PLXDC2: variants seen among roughly 807,000 people sequenced by gnomAD.
The protein encoded by PLXDC2 is plexin domain containing 2.
PLXDC2 carries 40 observed loss-of-function variants against 68.9 expected under a neutral mutation model. The observed-to-expected ratio is 0.58, with a 90% CI of 0.45 to 0.76. The LOEUF (loss-of-function observed/expected upper bound fraction) is 0.76, where lower values mean the gene tolerates loss of function less well. Among genes scored for constraint, PLXDC2 ranks in the 30% least tolerant of loss-of-function variants. The probability of loss-of-function intolerance (pLI) is 0.00; values close to 1 mark genes in which losing one functional copy is unlikely to be tolerated. For missense variants in PLXDC2, 644 were observed against 661.9 expected (o/e 0.97, Z 0.30); for synonymous variants, 243 against 234.2 (o/e 1.04, Z -0.34).
chr10:20,167,977 A>G (rs1834396966), intron 7 of PLXDC2, among the ~76,000 whole-genome samples: 2 of 152,176 alleles, frequency 1.3e-5, no homozygotes, highest in Admixed American at 1.3e-4. Context: ...AATGATTTCA[A>G]TGTAAATTTC....
chr10:20,247,232 G>T (rs1330223669), intron 13 of PLXDC2, among the ~76,000 whole-genome samples: 1 of 146,846 alleles, frequency 6.8e-6, no homozygotes, highest in Non-Finnish European at 1.5e-5. Context: ...AGCTGAGGCA[G>T]ACAGATTGCT....
chr10:19,921,944 G>A (rs369073574), intron 1 of PLXDC2, among the ~76,000 whole-genome samples: 49 of 152,080 alleles, frequency 3.2e-4, no homozygotes, highest in Middle Eastern at 3.4e-3. Context: ...TGTAACCTCC[G>A]TCTCCCGAGT....
At chr10:20,147,502 A>G (rs962910065) in intron 5 of PLXDC2, among the ~76,000 whole-genome samples, 12 of 152,174 alleles carry the variant, frequency 7.9e-5, no homozygotes, top group African/African-American at 2.4e-4. Context: ...ATCTATTAAC[A>G]TTAATAAAAT....
chr10:20,195,842 C>T (rs1039225871), intron 9 of PLXDC2, among the ~76,000 whole-genome samples: 3 of 151,986 alleles, frequency 2.0e-5, no homozygotes, highest in Non-Finnish European at 4.4e-5. Context: ...ACACCAGAAG[C>T]CATTAAACTG....
At chr10:19,879,120 A>G (rs1564617206) in intron 1 of PLXDC2, among the ~76,000 whole-genome samples, 1 of 152,202 alleles carries the variant, frequency 6.6e-6, no homozygotes, top group East Asian at 1.9e-4. Context: ...TTTCTTAAGC[A>G]TGCATTTAGA....
At chr10:20,141,610 C>A (rs1834008108) in intron 4 of PLXDC2, among the ~76,000 whole-genome samples, 1 of 151,798 alleles carries the variant, frequency 6.6e-6, no homozygotes. Context: ...TGTATTCATT[C>A]TAATGATAAA....
chr10:19,947,412 G>T (rs1007531278), intron 1 of PLXDC2, among the ~76,000 whole-genome samples: 1 of 152,202 alleles, frequency 6.6e-6, no homozygotes, highest in Admixed American at 6.5e-5. Context: ...TCCTGACCCC[G>T]ATGCTAGCTC....
intron 3 of PLXDC2, 47 bp from the exon 4 acceptor site, chr10:20,068,123 C>G (rs368770084): frequency 1.3e-6 from 2 of 1,485,456 alleles, no homozygotes; most frequent in African/African-American, 1.4e-5. Flanking sequence ...TTCACATTGA[C>G]TATGCTACAC....
At chr10:19,974,094 G>C (rs57708822) in intron 1 of PLXDC2, among the ~76,000 whole-genome samples, 1,934 of 152,284 alleles carry the variant, frequency 0.013, 47 homozygotes, top group African/African-American at 0.044. Flanking sequence ...GAGCCTAAAA[G>C]GGTGGAAAGC....
chr10:19,824,080 A>G (rs933811337), intron 1 of PLXDC2, among the ~76,000 whole-genome samples: 1 of 152,146 alleles, frequency 6.6e-6, no homozygotes, highest in South Asian at 2.1e-4. Flanking sequence ...TCTGCAATAC[A>G]TTTCACGGTG....
In PLXDC2 at chr10:20,001,970, A is replaced by T. The variant is rs750149691; in HGVS notation, c.308A>T (p.Asn103Ile). 3.7e-6 allele frequency: 6 copies of T among 1,612,364 alleles called. No individual in the cohort carries two copies. Among genetic ancestry groups the T allele is most frequent in the Non-Finnish European group, 5.1e-6 (6 of 1,179,880 alleles). The stretch of plus-strand genomic sequence containing the variant: ...CTGCTGCTGGATGATGGGCAGGACA[A>T]TAACACTCAGATCGAGGTAGATAAA... ...TDLLLDDGQD[N>I]NTQIEEDTDH... Residue 103 changes from asparagine to isoleucine, a missense_variant, in exon 2 of 14, where the codon AAT (asparagine) becomes ATT (isoleucine). By Grantham distance (149) the Asn-to-Ile change is moderately radical. Transcript: ENST00000377252.
chr10:20,202,091 G>A (rs1834928416), intron 9 of PLXDC2, among the ~76,000 whole-genome samples: 1 of 152,100 alleles, frequency 6.6e-6, no homozygotes, highest in South Asian at 2.1e-4. Context: ...CGGCAGTTCA[G>A]CATTTTCACC....
intron 9 of PLXDC2, among the ~76,000 whole-genome samples, chr10:20,197,333 C>T (rs1305312443): frequency 6.6e-6 from 1 of 151,950 alleles, no homozygotes; most frequent in Admixed American, 6.6e-5. Context: ...TATTATTTAT[C>T]TTTGAAGATC....
chr10:19,827,064 C>T (rs1836586561), intron 1 of PLXDC2, among the ~76,000 whole-genome samples: 1 of 152,186 alleles, frequency 6.6e-6, no homozygotes, highest in African/African-American at 2.4e-5. Flanking sequence ...GTAGGAACAT[C>T]CTTGCAAACG....
intron 1 of PLXDC2, among the ~76,000 whole-genome samples, chr10:19,823,799 C>T (rs1364361547): frequency 6.6e-6 from 1 of 152,068 alleles, no homozygotes; most frequent in Non-Finnish European, 1.5e-5. Flanking sequence ...CCAGCCTGGG[C>T]AACATAGGGA....
intron 1 of PLXDC2, among the ~76,000 whole-genome samples, chr10:19,935,827 G>A (rs1833714094): frequency 6.6e-6 from 1 of 152,152 alleles, no homozygotes; most frequent in African/African-American, 2.4e-5. Flanking sequence ...TGACAACTTT[G>A]CCGGCAGACT....
At chr10:19,943,945 C>T (rs1833859265) in intron 1 of PLXDC2, among the ~76,000 whole-genome samples, 1 of 152,142 alleles carries the variant, frequency 6.6e-6, no homozygotes, top group Non-Finnish European at 1.5e-5. Flanking sequence ...TAGAATGTCG[C>T]CTTTGCACCA....
intron 9 of PLXDC2, among the ~76,000 whole-genome samples, chr10:20,195,932 G>A (rs1354073305): frequency 6.6e-6 from 1 of 152,058 alleles, no homozygotes; most frequent in Non-Finnish European, 1.5e-5. Context: ...AAGATGTTAC[G>A]TTCCTTTGTC....
chr10:20,027,686 C>T (rs7910195), intron 2 of PLXDC2, among the ~76,000 whole-genome samples: 19,042 of 99,606 alleles, frequency 0.19, 2,035 homozygotes, highest in African/African-American at 0.38. Context: ...GAAGCTGGGA[C>T]AACCTGAAAA....
Sources: gnomAD v4.1 joint callset for allele counts (sites outside exome capture counted in the v4.1 genomes callset) on GRCh38, gnomAD v4.1.1 for gene constraint, MANE v1.5 for transcripts, NCBI Gene and HGNC (gene_info 2026-07-23, HGNC 2026-07-21) for gene names.